The following TRIM36 variants were observed in gnomAD, a reference collection of about 807,000 sequenced individuals.
The protein encoded by TRIM36 is E3 ubiquitin-protein ligase TRIM36.
In TRIM36, 42 loss-of-function variants were observed where a neutral mutation model predicts 72.4. The ratio of observed to expected loss-of-function variants is 0.58; its 90% CI spans 0.45 to 0.75. TRIM36 has a LOEUF of 0.75. Among genes scored for constraint, TRIM36 ranks in the 30% least tolerant of loss-of-function variants. The pLI is 0.00. For synonymous variants in TRIM36, 315 were observed against 282.8 expected (o/e 1.11, Z -1.14); for missense variants, 913 against 857.1 (o/e 1.07, Z -0.81).
At chr5:115,171,003 GGCTA>G (rs1755090056), upstream of TRIM36, 11 of 1,538,584 alleles carry the variant, frequency 7.1e-6, no homozygotes, top group African/African-American at 2.7e-5. Context: ...CTGCCTTTCT[GGCTA>G]GCTAAACAAT....
At chr5:115,166,481 G>T (rs548055889) in intron 1 of TRIM36, among the ~76,000 whole-genome samples, 1 of 152,130 alleles carries the variant, frequency 6.6e-6, no homozygotes, top group African/African-American at 2.4e-5. Flanking sequence ...GGGAGGAACT[G>T]CCTGCAGAAA....
chr5:115,149,116 T>C (rs1472606104), intron 2 of TRIM36: 3 of 152,212 alleles, frequency 2.0e-5, no homozygotes, highest in African/African-American at 7.2e-5. Flanking sequence ...TAAACATTAA[T>C]GCATACAAAA....
At chr5:115,174,799 A>G (rs2126956855), upstream of TRIM36, among the ~76,000 whole-genome samples, 1 of 152,332 alleles carries the variant, frequency 6.6e-6, no homozygotes. Flanking sequence ...CTTTTATTTA[A>G]GACAAAATCT....
chr5:115,154,188 T>TTCACA (rs757084840), intron 2 of TRIM36, among the ~76,000 whole-genome samples: 10,848 of 151,860 alleles, frequency 0.071, 897 homozygotes, highest in East Asian at 0.38. Context: ...GCAAAGGCAG[T>TTCACA]GCTAAGACGA....
At chr5:115,156,396 A>G (rs2112881901) in intron 2 of TRIM36, among the ~76,000 whole-genome samples, 1 of 152,336 alleles carries the variant, frequency 6.6e-6, no homozygotes, top group African/African-American at 2.4e-5. Flanking sequence ...TGAAGGCATC[A>G]CATTGCCTAA....
chr5:115,165,785 C>T (rs1057496375), intron 1 of TRIM36, among the ~76,000 whole-genome samples: 1 of 152,128 alleles, frequency 6.6e-6, no homozygotes, highest in Non-Finnish European at 1.5e-5. Flanking sequence ...TTCCTATGCT[C>T]TCGGGGGCCC....
In TRIM36 at chr5:115,126,769, G is replaced by A. The variant is rs1752380905; in HGVS notation, c.1885C>T (p.Gln629Ter). ...QPFTLVTIGM[Q>*]KFFIPKSPTS... is the part of the protein sequence containing the mutation. The stretch of plus-strand genomic sequence containing the variant: ...GGTGACTTGGGTATAAAAAATTTCT[G>A]CATGCCTATAGTAACTAAGGTAAAT... Residue 629 changes from glutamine to a stop codon, truncating the protein, a stop_gained, in exon 10 of 10, where the codon CAG becomes TAG. Coordinates refer to ENST00000513154, the MANE Select transcript of TRIM36 (RefSeq NM_001300759.2). LOFTEE classifies it high-confidence loss of function. 6.2e-7 allele frequency: 1 copy of A among 1,614,098 alleles called. No individual in the cohort carries two copies. Among genetic ancestry groups the A allele is most frequent in the Non-Finnish European group, 8.5e-7 (1 of 1,180,016 alleles).
chr5:115,165,861 C>T (rs1359638696), intron 1 of TRIM36, among the ~76,000 whole-genome samples: 1 of 152,154 alleles, frequency 6.6e-6, no homozygotes, highest in Non-Finnish European at 1.5e-5. Context: ...CTCCCCATTC[C>T]CAGTGCCCAC....
At chr5:115,169,103 T>A (rs894402988) in intron 1 of TRIM36, 1 of 153,852 alleles carries the variant, frequency 6.5e-6, no homozygotes. Flanking sequence ...ACAAAAACAC[T>A]TGTAGGCTGA....
In TRIM36 at chr5:115,137,559, C is replaced by G; in HGVS notation, c.889G>C (p.Val297Leu). ...AITHFEKLFE[V>L]LEERKSSVLK... ...ACAGATGATTTCCTCTCTTCCAGAA[C>G]TTCAAAGAGCTTTTCAAAATGTGTA... Residue 297 changes from valine to leucine, a missense_variant, in exon 6 of 10, where the codon GTT (valine) becomes CTT (leucine). Val to Leu is a conservative substitution (Grantham distance 32, BLOSUM62 1). Transcript: ENST00000513154. The G allele has an allele frequency of 6.2e-7, 1 of 1,613,570 alleles. No individual in the cohort carries two copies. The highest frequency in any genetic ancestry group is 8.5e-7 in the Non-Finnish European group (1 of 1,179,858).
Position 115,130,828 on chromosome 5 carries a change from C to T in TRIM36, c.1560G>A (p.Leu520=). The change falls in exon 9 of 10, where the codon TTG becomes TTA. Residue 520 remains leucine, a synonymous_variant. Coordinates refer to ENST00000513154, the MANE Select transcript of TRIM36 (RefSeq NM_001300759.2). ...CTCTACTCTCTACACGGTCTCTCTT[C>T]AAGTTCAGCAGGAGGTGTTCATTAT... ...GYNNEHLLLN[L]KRDRVESRAG... The T allele has an allele frequency of 6.2e-7, 1 of 1,614,062 alleles. No individual in the cohort carries two copies. Among genetic ancestry groups the T allele is most frequent in the Admixed American group, 1.7e-5 (1 of 60,018 alleles).
In TRIM36 at chr5:115,137,380, T is replaced by C. The variant is rs1390462676; in HGVS notation, c.1068A>G (p.Ala356=). ...GAGAATACCTGAGGTGGAGCTGCTT[T>C]GCTGTCTGCACAAAGCAAGACTGAT... ...ETDQSCFVQT[A]KQLHLRIQKA... Residue 356 remains alanine (A), a synonymous_variant, in exon 6 of 10, where the codon GCA becomes GCG. Coordinates refer to ENST00000513154, the MANE Select transcript of TRIM36 (RefSeq NM_001300759.2). 6.2e-7 allele frequency: 1 copy of C among 1,609,702 alleles called. No individual in the cohort carries two copies. Among genetic ancestry groups the C allele is most frequent in the African/African-American group, 1.3e-5 (1 of 74,796 alleles).
chr5:115,159,578 T>C, intron 2 of TRIM36: 1 of 432,260 alleles, frequency 2.3e-6, no homozygotes, highest in South Asian at 1.7e-5. Context: ...TTACACAAGA[T>C]TATTTAATTT....
chr5:115,141,565 G>A (rs1195236166), intron 4 of TRIM36, among the ~76,000 whole-genome samples, 191 bp from the exon 5 acceptor site: 2 of 152,110 alleles, frequency 1.3e-5, no homozygotes, highest in Non-Finnish European at 2.9e-5. Context: ...AGGGCCAAAG[G>A]ATGTATGAAA....
chr5:115,141,596 A>G (rs190734224), intron 4 of TRIM36, among the ~76,000 whole-genome samples: 404 of 152,348 alleles, frequency 2.7e-3, no homozygotes, highest in African/African-American at 9.2e-3. Flanking sequence ...AGTTGGAAAA[A>G]AGAACAAGGT....
rs1752329665 is a variant in TRIM36, at chr5:115,125,614, C to T, written c.*889G>A. 6.6e-6 allele frequency: 1 copy of T among 151,936 alleles called. No individual in the cohort carries two copies. The highest frequency in any genetic ancestry group is 1.5e-5 in the Non-Finnish European group (1 of 67,910). The allele number at this position is 151,936 out of a possible 1,614,324, so 9.4% of individuals were successfully genotyped here. ...GGCCAAAAATGAAAATCACAAAACA[C>T]AGTAAGGGGGTAAAAGAATAAATAT... On this transcript the variant is annotated 3_prime_UTR_variant, in exon 10 of 10. Coordinates refer to ENST00000513154, the MANE Select transcript of TRIM36 (RefSeq NM_001300759.2).
chr5:115,146,371 C>T (rs1753594725), intron 3 of TRIM36, among the ~76,000 whole-genome samples: 1 of 152,090 alleles, frequency 6.6e-6, no homozygotes, highest in Admixed American at 6.6e-5. Flanking sequence ...ACACAAGTCA[C>T]TAAGTTATAA....
chr5:115,149,070 T>C (rs1469385848), intron 2 of TRIM36: 1 of 152,216 alleles, frequency 6.6e-6, no homozygotes, highest in Admixed American at 6.5e-5. Context: ...ATATTTTTAA[T>C]ATCTTCATTT....
upstream of TRIM36, chr5:115,170,080 G>T: frequency 1.5e-6 from 1 of 660,352 alleles, no homozygotes; most frequent in Non-Finnish European, 1.9e-6. Context: ...GGCTGGGCGT[G>T]GGTGTGGCAC....
Sources: gnomAD v4.1 joint callset for allele counts (sites outside exome capture counted in the v4.1 genomes callset) on GRCh38, gnomAD v4.1.1 for gene constraint, MANE v1.5 for transcripts, NCBI Gene and HGNC (gene_info 2026-07-23, HGNC 2026-07-21) for gene names.